Variants in FGF13 observed in about 807,000 individuals in gnomAD.
FGF13 encodes fibroblast growth factor 13.
A neutral mutation model predicts 19.5 loss-of-function variants in FGF13; 2 were observed. The ratio of observed to expected loss-of-function variants is 0.10; its 90% CI spans 0.04 to 0.32. The LOEUF (loss-of-function observed/expected upper bound fraction) is 0.32. FGF13 is among the 10% of genes least tolerant of loss of function. FGF13 has a pLI of 1.00. For missense variants in FGF13, 113 were observed against 192.7 expected, an observed-to-expected ratio of 0.59 and a Z score of 2.45; for synonymous variants, 72 against 76.9, an observed-to-expected ratio of 0.94 and a Z score of 0.33.
chrX:138,735,351 G>A lies in FGF13; in HGVS notation c.28+3891C>T, dbSNP rs191425993. ...TAACACCTACTCTGTTGTACAAGGCGAAGTTCCTGTATCATAACTCTTCAT... is the reference window on the plus strand; with the variant it reads ...TAACACCTACTCTGTTGTACAAGGCAAAGTTCCTGTATCATAACTCTTCAT... On this transcript the variant is annotated intron_variant, in intron 1 of 4. Coordinates refer to the FGF13 transcript ENST00000305414. Among the ~76,000 whole-genome samples, 93 of 111,805 alleles carry A rather than the reference G, an allele frequency of 8.3e-4. No homozygotes were observed. In the South Asian group the frequency reaches 0.012, roughly 15 times the overall value.
chrX:138,667,759 A>G (rs780716490), intron 3 of FGF13: 19 of 364,887 alleles, frequency 5.2e-5, no homozygotes, highest in Non-Finnish European at 1.0e-4. Context: ...GTAAGAATAC[A>G]GATAGAGTGC....
chrX:138,805,184 C>T (rs920751474), intron 3 of FGF13, among the ~76,000 whole-genome samples: 3 of 111,766 alleles, frequency 2.7e-5, no homozygotes, highest in Non-Finnish European at 5.6e-5. Context: ...TAAATACCCT[C>T]AGATACGGAT....
chrX:138,814,266 A>T (rs954858426), intron 3 of FGF13, among the ~76,000 whole-genome samples: 1 of 110,433 alleles, frequency 9.1e-6, no homozygotes, highest in African/African-American at 3.3e-5. Context: ...TAGCCAGTGA[A>T]ACACACAAAA....
intron 3 of FGF13, among the ~76,000 whole-genome samples, chrX:138,752,998 ATAAC>A (rs991341200): frequency 2.7e-5 from 3 of 112,116 alleles, no homozygotes; most frequent in African/African-American, 9.7e-5. Flanking sequence ...AGAAACCCAG[ATAAC>A]TAACCATATT....
chrX:138,852,954 A>G (rs183459758), downstream of FGF13, among the ~76,000 whole-genome samples: 147 of 110,556 alleles, frequency 1.3e-3, no homozygotes, highest in African/African-American at 4.4e-3. Flanking sequence ...ACACATTAGA[A>G]AAAAAAAAGC....
intron 1 of FGF13, among the ~76,000 whole-genome samples, chrX:139,107,169 G>A (rs1209570305): frequency 8.9e-6 from 1 of 111,760 alleles, no homozygotes; most frequent in Non-Finnish European, 1.9e-5. Context: ...ATGAAGAGTG[G>A]CAACATGCTA....
intron 3 of FGF13, among the ~76,000 whole-genome samples, chrX:138,753,446 G>T (rs748834491): frequency 8.9e-6 from 1 of 112,202 alleles, no homozygotes; most frequent in East Asian, 2.8e-4. Flanking sequence ...GATTTTTAGC[G>T]TACAGACATC....
chrX:138,976,213 G>C (rs772387188), intron 1 of FGF13, among the ~76,000 whole-genome samples: 2 of 111,107 alleles, frequency 1.8e-5, no homozygotes, highest in Non-Finnish European at 3.8e-5. Flanking sequence ...CGTTTACGCT[G>C]GAAACATGTG....
intron 3 of FGF13, among the ~76,000 whole-genome samples, chrX:138,774,215 T>C (rs1288258450): frequency 9.0e-6 from 1 of 111,721 alleles, no homozygotes; most frequent in Non-Finnish European, 1.9e-5. Flanking sequence ...AAACGAATAA[T>C]GAAATTTAAC....
intron 1 of FGF13, among the ~76,000 whole-genome samples, chrX:138,875,059 G>A (rs926200024): frequency 9.1e-6 from 1 of 109,512 alleles, no homozygotes; most frequent in Non-Finnish European, 1.9e-5. Context: ...GACCAACATG[G>A]TGAAACCCCG....
intron 1 of FGF13, among the ~76,000 whole-genome samples, chrX:138,914,008 T>C (rs1367043643): frequency 1.8e-5 from 2 of 109,775 alleles, no homozygotes; most frequent in Non-Finnish European, 3.8e-5. Flanking sequence ...ACTGAGATAA[T>C]TCCTCCCCTT....
Position 138,910,910 on chromosome X carries a change from G to T in FGF13, c.-112-46260C>A, listed in dbSNP as rs562754215. On this transcript the variant is annotated intron_variant, in intron 1 of 2. Coordinates refer to the FGF13 transcript ENST00000421460. The stretch of plus-strand genomic sequence containing the variant: ...ATACTGTGAGGTAAGCAGGTTGTTT[G>T]GCTTTCCTAAACCTATTGGCCTCTA... Among the ~76,000 whole-genome samples, 8 of 111,351 alleles carry T rather than the reference G, an allele frequency of 7.2e-5. No individual in the cohort carries two copies. The South Asian group carries it at 3.1e-3, about 43-fold the overall frequency.
At chrX:138,813,659 G>A (rs2090942088) in intron 3 of FGF13, among the ~76,000 whole-genome samples, 1 of 112,149 alleles carries the variant, frequency 8.9e-6, no homozygotes, top group South Asian at 3.7e-4. Flanking sequence ...GATGTCAAAA[G>A]TAATGCAGTT....
intron 1 of FGF13, among the ~76,000 whole-genome samples, chrX:139,033,455 T>C (rs1251442517): frequency 2.7e-5 from 3 of 111,647 alleles, no homozygotes; most frequent in Non-Finnish European, 3.8e-5. Context: ...AGTATGAAGC[T>C]TATGTCACTG....
chrX:139,139,104 T>C (rs1393831100), intron 1 of FGF13, among the ~76,000 whole-genome samples: 4 of 110,257 alleles, frequency 3.6e-5, no homozygotes, highest in Non-Finnish European at 7.6e-5. Flanking sequence ...CTAATTTTTT[T>C]GTATTTTTAC....
chrX:139,056,559 A>G (rs774506942), intron 1 of FGF13, among the ~76,000 whole-genome samples: 3 of 112,658 alleles, frequency 2.7e-5, no homozygotes, highest in African/African-American at 9.6e-5. Flanking sequence ...CTGTGCTAGG[A>G]ATCATTTTAA....
chrX:138,941,580 C>T (rs1054826277), intron 1 of FGF13, among the ~76,000 whole-genome samples: 1 of 111,927 alleles, frequency 8.9e-6, no homozygotes, highest in African/African-American at 3.3e-5. Flanking sequence ...ACATTCCATG[C>T]TCATGGATAG....
chrX:139,043,359 C>A (rs2092276573), intron 1 of FGF13, among the ~76,000 whole-genome samples: 1 of 110,619 alleles, frequency 9.0e-6, no homozygotes, highest in Non-Finnish European at 1.9e-5. Context: ...TTACAGGCGA[C>A]TGCCACCACA....
At chrX:139,152,339 G>A (rs1423111344) in intron 1 of FGF13, among the ~76,000 whole-genome samples, 1 of 96,820 alleles carries the variant, frequency 1.0e-5, no homozygotes, top group Non-Finnish European at 2.2e-5. Flanking sequence ...AAAAAAAAAC[G>A]ACGAGGCCAG....
Sources: allele counts gnomAD v4.1 joint callset (sites outside exome capture counted in the v4.1 genomes callset), GRCh38; gene constraint gnomAD v4.1.1; transcripts MANE v1.5; gene names NCBI Gene and HGNC (gene_info 2026-07-23, HGNC 2026-07-21).